Variants in PPARG observed in about 807,000 individuals in gnomAD.
PPARG encodes peroxisome proliferator-activated receptor gamma.
A neutral mutation model predicts 39.2 loss-of-function variants in PPARG; 17 were observed. That is an observed-to-expected ratio of 0.43 (90% CI 0.30 to 0.65). The LOEUF (loss-of-function observed/expected upper bound fraction) is 0.65, where lower values mean the gene tolerates loss of function less well. Among genes scored for constraint, PPARG ranks in the 30% least tolerant of loss-of-function variants. The pLI is 0.13. For missense variants in PPARG, 406 were observed against 585.9 expected (o/e 0.69, Z 3.17); for synonymous variants, 223 against 215.7 (o/e 1.03, Z -0.30).
rs537120990 is a variant in PPARG, at chr3:12,384,019, C to T, written c.390+2528C>T. Among the ~76,000 whole-genome samples the T allele has an allele frequency of 1.4e-4, 21 of 152,150 alleles. No individual in the cohort carries two copies. In the South Asian group the frequency reaches 4.1e-3, roughly 30 times the overall value. ...GAAAACTAAGCGTATTGTATACTAA[C>T]CTGCAGTAATTTGCAAACCATCCAA... On this transcript the variant is annotated intron_variant, in intron 4 of 7. Transcript: ENST00000651735.
intron 2 of PPARG, among the ~76,000 whole-genome samples, chr3:12,341,772 G>A (rs2048189324): frequency 6.6e-6 from 1 of 152,098 alleles, no homozygotes; most frequent in Non-Finnish European, 1.5e-5. Context: ...TCGCGCTGCT[G>A]CACTCCAGCC....
intron 5 of PPARG, among the ~76,000 whole-genome samples, chr3:12,396,911 T>TGG (rs1293541266): frequency 6.6e-6 from 1 of 152,114 alleles, no homozygotes; most frequent in Non-Finnish European, 1.5e-5. Flanking sequence ...TTTTTAGAGA[T>TGG]GGAGTCTCCC....
intron 2 of PPARG, among the ~76,000 whole-genome samples, chr3:12,313,903 A>G (rs1296725974): frequency 6.6e-6 from 1 of 152,240 alleles, no homozygotes; most frequent in African/African-American, 2.4e-5. Context: ...TAATAAATGT[A>G]AAAGGAATGA....
chr3:12,428,793 T>G (rs1575157488), intron 7 of PPARG, among the ~76,000 whole-genome samples: 2 of 152,250 alleles, frequency 1.3e-5, no homozygotes, highest in East Asian at 3.8e-4. Context: ...TGTTTTTAAG[T>G]AAGTCAGGTG....
intron 1 of PPARG, among the ~76,000 whole-genome samples, chr3:12,293,713 A>G (rs2920504): frequency 0.58 from 88,762 of 152,060 alleles, 26,052 homozygotes; most frequent in South Asian, 0.64. Flanking sequence ...TTCTGGCTCT[A>G]TACTAAAGGA....
intron 7 of PPARG, among the ~76,000 whole-genome samples, chr3:12,430,187 G>A (rs979754906): frequency 7.5e-5 from 11 of 146,010 alleles, no homozygotes; most frequent in South Asian, 2.1e-4. Context: ...GGAAAACATC[G>A]TTTACAGACT....
intron 4 of PPARG, 52 bp from the exon 5 acceptor site, chr3:12,392,562 C>G: frequency 6.2e-7 from 1 of 1,605,456 alleles, no homozygotes; most frequent in Non-Finnish European, 8.5e-7. Context: ...TAGGTTGCTG[C>G]TTCCATGTGT....
rs191861321 is a variant in PPARG, at chr3:12,359,443, C to G, written c.-8-20261C>G. On this transcript the variant is annotated intron_variant, in intron 2 of 7. Transcript: ENST00000651735. ...AATGGGTAGCTTGAATGGATTTAAC[C>G]CCCAACTTTATTTAATTTAAATGGA... Among the ~76,000 whole-genome samples the G allele has an allele frequency of 1.6e-4, 24 of 151,896 alleles. 1 individual carries two copies. The East Asian group carries it at 4.6e-3, about 29-fold the overall frequency.
chr3:12,331,161 G>T (rs2047847476), intron 2 of PPARG, among the ~76,000 whole-genome samples: 1 of 152,172 alleles, frequency 6.6e-6, no homozygotes, highest in East Asian at 1.9e-4. Context: ...TAAGTCTACA[G>T]GTAGTGGGGA....
chr3:12,379,223 T>G (rs1450245292), intron 2 of PPARG, among the ~76,000 whole-genome samples: 8 of 152,158 alleles, frequency 5.3e-5, no homozygotes, highest in African/African-American at 1.9e-4. Flanking sequence ...CAGGCTGGTC[T>G]CGAACTCCTG....
intron 1 of PPARG, among the ~76,000 whole-genome samples, chr3:12,299,479 T>G (rs1019302942): frequency 6.6e-6 from 1 of 152,212 alleles, no homozygotes; most frequent in African/African-American, 2.4e-5. Context: ...TAGGTTATGT[T>G]GCATGTATTC....
chr3:12,422,938 T>G (rs2051314627), intron 7 of PPARG, among the ~76,000 whole-genome samples: 1 of 151,962 alleles, frequency 6.6e-6, no homozygotes, highest in Admixed American at 6.6e-5. Flanking sequence ...GTTCAGATAT[T>G]ACGTATTAAT....
intron 2 of PPARG, among the ~76,000 whole-genome samples, chr3:12,314,081 A>G (rs1348786443): frequency 6.6e-6 from 1 of 152,158 alleles, no homozygotes; most frequent in African/African-American, 2.4e-5. Context: ...GTTCGAGACC[A>G]GACTGGCCAA....
chr3:12,383,675 T>C (rs1405385512), intron 4 of PPARG, among the ~76,000 whole-genome samples: 1 of 152,164 alleles, frequency 6.6e-6, no homozygotes, highest in Non-Finnish European at 1.5e-5. Flanking sequence ...ACTAAAACTT[T>C]TAAGCAAATA....
intron 2 of PPARG, chr3:12,351,708 G>T: frequency 6.6e-7 from 1 of 1,525,380 alleles, no homozygotes; most frequent in Non-Finnish European, 9.1e-7. Context: ...TATTGGGGAC[G>T]TGGGGGCATT....
intron 2 of PPARG, among the ~76,000 whole-genome samples, chr3:12,361,181 T>C (rs2048835304): frequency 6.6e-6 from 1 of 152,238 alleles, no homozygotes; most frequent in Non-Finnish European, 1.5e-5. Context: ...AAAAAGCGTT[T>C]GTTGTCCATT....
intron 2 of PPARG, among the ~76,000 whole-genome samples, chr3:12,377,584 T>A (rs1229767524): frequency 6.6e-6 from 1 of 152,204 alleles, no homozygotes; most frequent in Admixed American, 6.6e-5. Flanking sequence ...AAGAAGAAGT[T>A]CATTTACCTA....
intron 1 of PPARG, among the ~76,000 whole-genome samples, chr3:12,311,951 G>A (rs373240722): frequency 8.5e-5 from 13 of 152,298 alleles, no homozygotes; most frequent in African/African-American, 1.9e-4. Flanking sequence ...TTTTTGCCAT[G>A]TATAACTTCT....
chr3:12,321,175 G>A (rs531314944), intron 2 of PPARG, among the ~76,000 whole-genome samples: 6 of 152,176 alleles, frequency 3.9e-5, no homozygotes, highest in African/African-American at 1.2e-4. Context: ...CTCTGTGTCC[G>A]ATGGCGTGGA....
Sources: allele counts gnomAD v4.1 joint callset (sites outside exome capture counted in the v4.1 genomes callset), GRCh38; gene constraint gnomAD v4.1.1; transcripts MANE v1.5; gene names NCBI Gene and HGNC (gene_info 2026-07-23, HGNC 2026-07-21).